Variants in CNKSR2 observed in about 807,000 individuals in gnomAD.
The protein encoded by CNKSR2 is connector enhancer of kinase suppressor of Ras 2, also known as CNK homolog protein 2.
Under a neutral mutation model 84.4 loss-of-function variants are expected in CNKSR2, and 14 were observed. The ratio of observed to expected loss-of-function variants is 0.17; its 90% CI spans 0.11 to 0.26. The LOEUF is 0.26. Among genes scored for constraint, CNKSR2 ranks in the 10% least tolerant of loss-of-function variants. CNKSR2 has a pLI of 1.00. For synonymous variants in CNKSR2, 275 were observed against 277.9 expected (o/e 0.99, Z 0.10); for missense variants, 485 against 771.2 (o/e 0.63, Z 4.40).
intron 13 of CNKSR2, 134 bp from the exon 14 acceptor site, chrX:21,590,438 C>A: frequency 4.4e-6 from 2 of 456,837 alleles, no homozygotes; most frequent in Non-Finnish European, 3.5e-6. Context: ...TGTTTTGAGG[C>A]TTTGTGGGGA....
In CNKSR2 at chrX:21,575,362, T is replaced by C. The variant is rs1175320818; in HGVS notation, c.1608+11910T>C. On this transcript the variant is annotated intron_variant, in intron 13 of 21. Coordinates refer to ENST00000379510, the MANE Select transcript of CNKSR2 (RefSeq NM_014927.5). ...AAAAATCAACTATCGGTACTCCTCC[T>C]ATCCCCCCATATTCTCATTCACCGC... 2.7e-5 allele frequency among the ~76,000 whole-genome samples: 3 copies of C among 110,816 alleles called. No individual in the cohort carries two copies. The Admixed American group carries it at 2.9e-4, about 11-fold the overall frequency.
In CNKSR2 at chrX:21,394,370, G is replaced by A. The variant is rs141874491; in HGVS notation, c.64+19409G>A. 1.6e-4 allele frequency among the ~76,000 whole-genome samples: 18 copies of A among 111,695 alleles called. No individual in the cohort carries two copies. In the East Asian group the frequency reaches 5.1e-3, roughly 31 times the overall value. ...AATGCATCTGGGTTATAGATTTCAG[G>A]TGGCTGGCTTTGTTTTGGGAACTCT... On this transcript the variant is annotated intron_variant, in intron 1 of 21. Transcript: ENST00000379510.
intron 13 of CNKSR2, among the ~76,000 whole-genome samples, chrX:21,567,798 GTGTGT>G (rs1569246852): frequency 2.4e-4 from 1 of 4,121 alleles, no homozygotes; most frequent in East Asian, 0.018. Context: ...TTTGTGTGGT[GTGTGT>G]GTGTGTGTGT....
At chrX:21,573,903 T>G (rs1341118218) in intron 13 of CNKSR2, among the ~76,000 whole-genome samples, 1 of 111,499 alleles carries the variant, frequency 9.0e-6, no homozygotes, top group Non-Finnish European at 1.9e-5. Context: ...AGAAAATGGG[T>G]TTTTCTTTTC....
rs1043329411 is a variant in CNKSR2 at position 21,469,284 on chromosome X, A to C, written c.520-1482A>C. On this transcript the variant is annotated intron_variant, in intron 4 of 21. Transcript: ENST00000379510. The stretch of plus-strand genomic sequence containing the variant: ...GCAAGTTCCCAACTTTTCCCAGATT[A>C]TCTCTCCTTTGGCATATGAGTCCCT... 5.4e-5 allele frequency among the ~76,000 whole-genome samples: 6 copies of C among 112,091 alleles called. No homozygotes were observed. The Admixed American group carries it at 5.7e-4, about 11-fold the overall frequency.
intron 4 of CNKSR2, among the ~76,000 whole-genome samples, chrX:21,449,499 A>G (rs898592521): frequency 9.0e-6 from 1 of 110,656 alleles, no homozygotes; most frequent in Admixed American, 9.7e-5. Flanking sequence ...TAAAATCTGC[A>G]TTGGTTAGGT....
intron 20 of CNKSR2, chrX:21,641,711 T>C: frequency 2.8e-6 from 3 of 1,079,698 alleles, no homozygotes; most frequent in Non-Finnish European, 3.6e-6. Context: ...AATGGCCTCG[T>C]CCTTGCTGTT....
intron 6 of CNKSR2, chrX:21,491,530 G>C (rs1311360332): frequency 1.8e-5 from 2 of 111,802 alleles, no homozygotes; most frequent in Non-Finnish European, 3.8e-5. Context: ...GACTACCACT[G>C]ATTTTTCAGT....
chrX:21,558,561 A>G (rs1215082635), intron 11 of CNKSR2, among the ~76,000 whole-genome samples: 1 of 109,239 alleles, frequency 9.2e-6, no homozygotes, highest in Non-Finnish European at 1.9e-5. Flanking sequence ...TTAAAAAAAA[A>G]AAGTCACCCC....
chrX:21,524,322 C>G (rs914579529), intron 9 of CNKSR2, among the ~76,000 whole-genome samples: 6 of 110,824 alleles, frequency 5.4e-5, no homozygotes, highest in African/African-American at 2.0e-4. Context: ...TTTTTCCAAC[C>G]AGTTCAATTA....
At position 21,440,776 on chromosome X, in the gene CNKSR2, C is replaced by T. The variant is rs761873720; in HGVS notation, c.514C>T (p.Gln172Ter). 8.7e-7 allele frequency: 1 copy of T among 1,143,249 alleles called. No individual in the cohort carries two copies. The highest frequency in any genetic ancestry group is 1.2e-6 in the Non-Finnish European group (1 of 841,083). The allele number at this position is 1,143,249 out of a possible 1,213,427, so 94.2% of individuals were successfully genotyped here. A position where few individuals can be genotyped will look rare whatever the true frequency, so the allele number is the denominator to read the frequency against. The part of the protein sequence containing the change: ...QLCLELTTIV[Q>*]QDCTVYETEN... ...CTGCCTGGAGTTAACAACAATTGTG[C>T]AACAGGTATTAGCTGACAAACTTTC... is the stretch of plus-strand genomic sequence containing the variant. The change falls in exon 4 of 22, where the codon CAA becomes TAA. Residue 172 changes from glutamine to a stop codon, truncating the protein, a stop_gained. Transcript: ENST00000379510. LOFTEE classifies it high-confidence loss of function.
intron 2 of CNKSR2, chrX:21,428,385 A>C (rs765157393): frequency 1.8e-5 from 2 of 112,001 alleles, no homozygotes; most frequent in Non-Finnish European, 3.8e-5. Context: ...CCTTGTCTTG[A>C]AGTTATTCCT....
intron 11 of CNKSR2, among the ~76,000 whole-genome samples, chrX:21,553,754 GAC>G (rs371266174): frequency 3.6e-5 from 4 of 111,457 alleles, no homozygotes; most frequent in African/African-American, 1.3e-4. Flanking sequence ...GGATTTGCAA[GAC>G]ACACTGCTTT....
chrX:21,438,426 G>C (rs780271844), intron 3 of CNKSR2, among the ~76,000 whole-genome samples: 2 of 111,672 alleles, frequency 1.8e-5, no homozygotes, highest in East Asian at 5.6e-4. Flanking sequence ...AAAACAATAT[G>C]TTAAAACCAC....
intron 13 of CNKSR2, among the ~76,000 whole-genome samples, chrX:21,582,603 A>G: frequency 8.9e-6 from 1 of 111,870 alleles, no homozygotes; most frequent in Non-Finnish European, 1.9e-5. Flanking sequence ...TCTGGGTCTC[A>G]GTTTCCTCTT....
At chrX:21,484,440 G>A (rs1014714502) in intron 5 of CNKSR2, among the ~76,000 whole-genome samples, 13 of 111,605 alleles carry the variant, frequency 1.2e-4, no homozygotes, top group African/African-American at 3.6e-4. Context: ...TATTTTCCAT[G>A]CTATTGATAA....
intron 5 of CNKSR2, among the ~76,000 whole-genome samples, chrX:21,477,756 AGGATGTGTTTAAG>A (rs1378313405): frequency 5.1e-4 from 57 of 112,027 alleles, no homozygotes; most frequent in African/African-American, 1.7e-3. Context: ...CAAAACCTTG[AGGATGTGTTTAAG>A]TACTGGTGTA....
chrX:21,499,240 A>C, intron 7 of CNKSR2, among the ~76,000 whole-genome samples: 1 of 112,176 alleles, frequency 8.9e-6, no homozygotes, highest in Non-Finnish European at 1.9e-5. Context: ...TTCATTTAAC[A>C]GACCTCTGCT....
At position 21,566,594 on chromosome X, in the gene CNKSR2, A is replaced by T. The variant is rs776015190; in HGVS notation, c.1608+3142A>T. Reference sequence around the variant, plus strand: ...CTATGAAGATTGAGTATTGCATTTCATAGGCTTCTATCTCTGCCGTAATAC... The same window carrying T: ...CTATGAAGATTGAGTATTGCATTTCTTAGGCTTCTATCTCTGCCGTAATAC... On this transcript the variant is annotated intron_variant, in intron 13 of 21. Transcript: ENST00000379510. Among the ~76,000 whole-genome samples, 83 of 111,978 alleles carry T rather than the reference A, an allele frequency of 7.4e-4. 1 individual carries two copies. The highest frequency in any genetic ancestry group is 1.3e-3 in the Non-Finnish European group (68 of 53,155).
Sources: gnomAD v4.1 joint callset for allele counts (sites outside exome capture counted in the v4.1 genomes callset) on GRCh38, gnomAD v4.1.1 for gene constraint, MANE v1.5 for transcripts, NCBI Gene and HGNC (gene_info 2026-07-23, HGNC 2026-07-21) for gene names.